The following NOS1AP variants were observed in gnomAD, a reference collection of about 807,000 sequenced individuals.
NOS1AP encodes nitric oxide synthase 1 adaptor protein.
Under a neutral mutation model 56.2 loss-of-function variants are expected in NOS1AP, and 21 were observed. The observed-to-expected ratio is 0.37, with a 90% CI of 0.26 to 0.54. The LOEUF is 0.54. Ranked by LOEUF, NOS1AP falls within the 20% of genes least tolerant of loss-of-function variation. NOS1AP has a pLI of 0.84. For synonymous variants in NOS1AP, 270 were observed against 274.6 expected (o/e 0.98, Z 0.17); for missense variants, 522 against 657.8 (o/e 0.79, Z 2.26).
intron 1 of NOS1AP, among the ~76,000 whole-genome samples, chr1:162,111,515 A>G (rs919834442): frequency 6.6e-6 from 1 of 152,206 alleles, no homozygotes; most frequent in African/African-American, 2.4e-5. Context: ...TTTCTTTCAG[A>G]CCATGGGCTC....
intron 1 of NOS1AP, among the ~76,000 whole-genome samples, chr1:162,135,659 A>G (rs1648965621): frequency 6.6e-6 from 1 of 152,158 alleles, no homozygotes; most frequent in Non-Finnish European, 1.5e-5. Flanking sequence ...GTTCTGCCTT[A>G]AAGCATGAGG....
In NOS1AP at chr1:162,180,133, A is replaced by C. The variant is rs549241208; in HGVS notation, c.177+25657A>C. ...ATAACATCCAAATATTCACCAATGA[A>C]GCCATCACTTACAGAAACAATCCCT... On this transcript the variant is annotated intron_variant, in intron 2 of 9. Transcript: ENST00000361897. 8.5e-5 allele frequency among the ~76,000 whole-genome samples: 13 copies of C among 152,232 alleles called. No homozygotes were observed. The East Asian group carries it at 2.5e-3, about 29-fold the overall frequency.
rs376799068 is a variant in NOS1AP, at chr1:162,298,025, G to A, written c.271-2608G>A. On this transcript the variant is annotated intron_variant, in intron 3 of 9. Coordinates refer to ENST00000361897, the MANE Select transcript of NOS1AP (RefSeq NM_014697.3). ...CCCCAACAAAAGCCTGCTCTCTCCA[G>A]CCAAAGAGGAGAAAAGGGGCAACAT... is the stretch of plus-strand genomic sequence containing the variant. Among the ~76,000 whole-genome samples the A allele has an allele frequency of 2.3e-4, 35 of 152,310 alleles. 1 individual carries two copies. The East Asian group carries it at 3.9e-3, about 17-fold the overall frequency.
intron 2 of NOS1AP, among the ~76,000 whole-genome samples, chr1:162,243,610 A>C (rs116459332): frequency 0.026 from 3,886 of 152,228 alleles, 70 homozygotes; most frequent in Non-Finnish European, 0.037. Context: ...TTAACCCATC[A>C]ATTATGGTGG....
chr1:162,282,140 C>T (rs888438282), intron 2 of NOS1AP, among the ~76,000 whole-genome samples: 48 of 152,274 alleles, frequency 3.2e-4, no homozygotes, highest in Admixed American at 2.8e-3. Context: ...TTTAAGTGTA[C>T]GGTTCTGTGG....
At chr1:162,215,260 C>T (rs1414662293) in intron 2 of NOS1AP, among the ~76,000 whole-genome samples, 1 of 152,178 alleles carries the variant, frequency 6.6e-6, no homozygotes, top group East Asian at 1.9e-4. Flanking sequence ...GCCCCGGGGC[C>T]GAGTCTTTCT....
intron 2 of NOS1AP, among the ~76,000 whole-genome samples, chr1:162,244,221 T>C (rs1428568029): frequency 6.6e-6 from 1 of 152,134 alleles, no homozygotes; most frequent in East Asian, 1.9e-4. Context: ...GATCCCAAGA[T>C]TCTGCTTGAC....
chr1:162,131,096 A>G (rs1294048581), intron 1 of NOS1AP, among the ~76,000 whole-genome samples: 1 of 152,148 alleles, frequency 6.6e-6, no homozygotes, highest in Non-Finnish European at 1.5e-5. Flanking sequence ...GCCAGTGAAT[A>G]TAGTGAAAAG....
chr1:162,350,579 C>T (rs1456525426), intron 6 of NOS1AP, among the ~76,000 whole-genome samples: 1 of 152,240 alleles, frequency 6.6e-6, no homozygotes. Flanking sequence ...CCCTCCTCCC[C>T]CAGCTGCAGA....
chr1:162,177,992 T>C (rs1190968430), intron 2 of NOS1AP, among the ~76,000 whole-genome samples: 2 of 152,254 alleles, frequency 1.3e-5, no homozygotes, highest in Non-Finnish European at 2.9e-5. Context: ...CTCTGTCCCC[T>C]GCTTATTCAT....
At chr1:162,136,782 A>G (rs1174966330) in intron 1 of NOS1AP, among the ~76,000 whole-genome samples, 2 of 152,222 alleles carry the variant, frequency 1.3e-5, no homozygotes, top group Non-Finnish European at 2.9e-5. Flanking sequence ...ATTGCTTCTC[A>G]GCTGGCTGTA....
At chr1:162,165,082 G>A (rs929202992) in intron 2 of NOS1AP, among the ~76,000 whole-genome samples, 4 of 152,130 alleles carry the variant, frequency 2.6e-5, no homozygotes, top group African/African-American at 9.7e-5. Context: ...AGCACTTTGG[G>A]AGGCCAAGGC....
intron 8 of NOS1AP, chr1:162,364,697 C>G (rs1027417789): frequency 8.1e-6 from 8 of 985,528 alleles, no homozygotes; most frequent in Non-Finnish European, 9.6e-6. Context: ...TGTTTGACCC[C>G]TACCAGGTGG....
At chr1:162,145,172 C>T (rs1231453350) in intron 1 of NOS1AP, among the ~76,000 whole-genome samples, 2 of 144,452 alleles carry the variant, frequency 1.4e-5, no homozygotes, top group Non-Finnish European at 3.0e-5. Context: ...ATAAGTGCCT[C>T]ATTCCTCTTA....
intron 3 of NOS1AP, among the ~76,000 whole-genome samples, chr1:162,288,023 G>A (rs181365851): frequency 2.0e-5 from 3 of 152,156 alleles, no homozygotes; most frequent in African/African-American, 4.8e-5. Flanking sequence ...TCCATTCAGC[G>A]TGAGTTGGGG....
intron 2 of NOS1AP, among the ~76,000 whole-genome samples, chr1:162,187,259 A>AT (rs1651468343): frequency 6.6e-6 from 1 of 152,162 alleles, no homozygotes; most frequent in Non-Finnish European, 1.5e-5. Flanking sequence ...GAGCCACCAC[A>AT]TTCAGCCACC....
intron 2 of NOS1AP, among the ~76,000 whole-genome samples, chr1:162,169,997 C>A (rs1160845818): frequency 1.3e-5 from 2 of 152,238 alleles, no homozygotes; most frequent in Non-Finnish European, 2.9e-5. Flanking sequence ...CAAATGAAAA[C>A]CTTTGCTACG....
chr1:162,304,176 C>T (rs1391874763), intron 4 of NOS1AP, among the ~76,000 whole-genome samples: 1 of 152,064 alleles, frequency 6.6e-6, no homozygotes, highest in Non-Finnish European at 1.5e-5. Context: ...TCCTTCTCCT[C>T]CTCCTCTTCC....
intron 1 of NOS1AP, among the ~76,000 whole-genome samples, chr1:162,076,944 T>G (rs926135338): frequency 6.6e-6 from 1 of 152,232 alleles, no homozygotes. Context: ...GGCTGGATAA[T>G]ATATCATTGT....
Sources: allele counts gnomAD v4.1 joint callset (sites outside exome capture counted in the v4.1 genomes callset), GRCh38; gene constraint gnomAD v4.1.1; transcripts MANE v1.5; gene names NCBI Gene and HGNC (gene_info 2026-07-23, HGNC 2026-07-21).